The following SLK variants were observed in gnomAD, a reference collection of about 807,000 sequenced individuals.
SLK encodes the protein STE20-like serine/threonine-protein kinase.
SLK carries 67 observed loss-of-function variants against 147.7 expected under a neutral mutation model. That is an observed-to-expected ratio of 0.45 (90% confidence interval 0.37 to 0.56). The LOEUF is 0.56. SLK is among the 20% of genes least tolerant of loss of function. SLK has a pLI of 0.00. For missense variants in SLK, 1,136 were observed against 1,438.8 expected (o/e 0.79, Z 3.41); for synonymous variants, 441 against 475.0 (o/e 0.93, Z 0.93).
At chr10:103,970,302 C>A (rs981325379) in intron 1 of SLK, among the ~76,000 whole-genome samples, 4 of 152,122 alleles carry the variant, frequency 2.6e-5, no homozygotes, top group African/African-American at 7.2e-5. Flanking sequence ...GATACTAAAG[C>A]CCTGTGTTAT....
chr10:104,016,048 T>G (rs2487986), intron 13 of SLK, among the ~76,000 whole-genome samples: 65,687 of 151,914 alleles, frequency 0.43, 14,266 homozygotes, highest in Non-Finnish European at 0.45. Flanking sequence ...GCTGGGCGCG[T>G]TGGCTCACGC....
At position 104,019,597 on chromosome 10, in the gene SLK, C is replaced by T. The variant is rs116551811; in HGVS notation, c.3133-137C>T. 4.2e-3 allele frequency: 3,034 copies of T among 714,448 alleles called. 64 individuals carry two copies. The African/African-American group carries it at 0.047, about 11-fold the overall frequency. 44.3% of individuals were successfully genotyped at this position (714,448 alleles called of 1,614,324 possible). A position where few individuals can be genotyped will look rare whatever the true frequency, so the allele number is the denominator to read the frequency against. On this transcript the variant is annotated intron_variant, in intron 15 of 18. Transcript: ENST00000369755. ...TAACTTCTTACAAGTTATTTTGTGC[C>T]TAGTATTTTGCTGGTCACTGCAACA... is the stretch of plus-strand genomic sequence containing the variant.
At chr10:104,009,881 AAT>A (rs1417784639) in intron 12 of SLK, among the ~76,000 whole-genome samples, 1 of 152,110 alleles carries the variant, frequency 6.6e-6, no homozygotes, top group Non-Finnish European at 1.5e-5. Context: ...GGAAATTTTA[AAT>A]ACACGATGTT....
intron 13 of SLK, among the ~76,000 whole-genome samples, chr10:104,013,998 C>T (rs1220731949): frequency 1.3e-5 from 2 of 152,132 alleles, no homozygotes; most frequent in Non-Finnish European, 2.9e-5. Flanking sequence ...AAGAGATTAA[C>T]GGTAGAGCTG....
rs143127472 is a variant in SLK at position 104,025,717 on chromosome 10, A to G, written c.3705A>G (p.Ser1235=). The part of the protein sequence containing the change: ...YPIPSLHSTG[S] ...TTCCCAGCTTGCATTCCACCGGATC[A>G]TAACAAAGGGAAGCATTCTGTGCGT... Residue 1235 remains serine, a synonymous_variant, in exon 19 of 19, where the codon TCA becomes TCG. Coordinates refer to ENST00000369755, the MANE Select transcript of SLK (RefSeq NM_014720.4). 2 of 1,613,900 alleles carry G rather than the reference A, an allele frequency of 1.2e-6. No homozygotes were observed. The highest frequency in any genetic ancestry group is 8.5e-7 in the Non-Finnish European group (1 of 1,179,942).
chr10:103,981,084 T>C (rs1843935088), intron 1 of SLK, among the ~76,000 whole-genome samples: 1 of 152,196 alleles, frequency 6.6e-6, no homozygotes. Flanking sequence ...ATTAGTGACG[T>C]TGAGCATCTT....
At chr10:103,989,469 T>TTTTTTTTTTG (rs1844061329) in intron 1 of SLK, among the ~76,000 whole-genome samples, 1 of 139,120 alleles carries the variant, frequency 7.2e-6, no homozygotes, top group Non-Finnish European at 1.5e-5. Context: ...AGTTTCTTTT[T>TTTTTTTTTTG]TTTTTTTTTT....
intron 4 of SLK, among the ~76,000 whole-genome samples, chr10:103,996,438 A>C (rs1463912078): frequency 8.2e-6 from 1 of 121,276 alleles, no homozygotes; most frequent in Admixed American, 1.1e-4. Flanking sequence ...TTGCTCTTTC[A>C]CCCAGGCCGG....
Position 104,002,350 on chromosome 10 carries a change from A to C in SLK, c.1172A>C (p.Glu391Ala), listed in dbSNP as rs1844260585. 1.2e-6 allele frequency: 2 copies of C among 1,613,258 alleles called. No homozygotes were observed. Among genetic ancestry groups the C allele is most frequent in the Non-Finnish European group, 1.7e-6 (2 of 1,179,556 alleles). Residue 391 changes from glutamate to alanine, a missense_variant, in exon 9 of 19, where the codon GAA becomes GCA. Glu to Ala is a moderately radical substitution (Grantham distance 107). Transcript: ENST00000369755. The part of the protein sequence containing the change: ...LNEKPTTDEP[E>A]KAVEDINEHI... The stretch of plus-strand genomic sequence containing the variant: ...GAAAAACCCACCACTGATGAACCTG[A>C]AAAGGCTGTGGAGGATATTAATGAA...
chr10:103,977,719 C>T (rs1167757291), intron 1 of SLK, among the ~76,000 whole-genome samples: 2 of 152,124 alleles, frequency 1.3e-5, no homozygotes, highest in East Asian at 3.8e-4. Context: ...TTTCCAGCTA[C>T]TATTTTGAAT....
rs1175073739 is a variant in SLK, at chr10:104,019,832, T to G, written c.3231T>G (p.Ser1077Arg). 3.7e-6 allele frequency: 6 copies of G among 1,614,060 alleles called. No homozygotes were observed. The highest frequency in any genetic ancestry group is 5.1e-6 in the Non-Finnish European group (6 of 1,179,926). Reference protein sequence around the residue: ...ERARLPKIQRSEAKTRMAMFK... With the variant: ...ERARLPKIQRREAKTRMAMFK... Reference sequence around the variant, plus strand: ...CAAGACTGCCCAAGATTCAGCGCAGTGAAGCCAAGACTCGAATGGCCATGT... The same window carrying G: ...CAAGACTGCCCAAGATTCAGCGCAGGGAAGCCAAGACTCGAATGGCCATGT... Residue 1077 changes from serine to arginine, a missense_variant, in exon 16 of 19, where the codon AGT becomes AGG. Physicochemically the swap from Ser to Arg is moderately radical, Grantham distance 110 (BLOSUM62 -1). This residue lies in a region of SLK where 327 missense variants were observed against 457.5 expected (regional missense o/e 0.71). Coordinates refer to ENST00000369755, the MANE Select transcript of SLK (RefSeq NM_014720.4).
chr10:104,009,240 G>A (rs1453388108), intron 12 of SLK, among the ~76,000 whole-genome samples: 2 of 152,058 alleles, frequency 1.3e-5, no homozygotes, highest in Non-Finnish European at 2.9e-5. Flanking sequence ...GACAATGATT[G>A]TGATCAATTT....
In SLK at chr10:104,018,932, A is replaced by AT. The variant is rs753553723; in HGVS notation, c.3132+31dup. ...AGGTTAATGAAAGGAAAATTTCTTC[A>AT]TTTTTTTGTTCGTTTTAAAGTTTGC... On this transcript the variant is annotated intron_variant, in intron 15 of 18. Transcript: ENST00000369755. The AT allele has an allele frequency of 2.2e-5, 34 of 1,546,480 alleles. No homozygotes were observed. The African/African-American group carries it at 3.6e-4, about 16-fold the overall frequency.
Position 104,010,809 on chromosome 10 carries a change from A to G in SLK, c.2785-7A>G. The G allele has an allele frequency of 6.4e-7, 1 of 1,559,174 alleles. No individual in the cohort carries two copies. ...TTCCCCACCTCCTGCATGCTTATAC[A>G]CTGTAGGTTATAAATGAAGTGGAGA... On this transcript the variant is annotated splice_polypyrimidine_tract_variant and splice_region_variant and intron_variant, in intron 12 of 18. Coordinates refer to ENST00000369755, the MANE Select transcript of SLK (RefSeq NM_014720.4).
intron 13 of SLK, among the ~76,000 whole-genome samples, chr10:104,014,481 TC>T (rs1261750399): frequency 6.6e-6 from 1 of 152,202 alleles, no homozygotes; most frequent in Non-Finnish European, 1.5e-5. Context: ...CCCTCCTTTT[TC>T]CTCTCCTGAA....
rs193020197 is a variant in SLK, at chr10:104,005,571, G to A, written c.2360G>A (p.Arg787Lys). The stretch of plus-strand genomic sequence containing the variant: ...TAAAATCTCACTCAGGAAACAAGAA[G>A]ACAAAAGAAAACATTGAAGAAAACA... Reference protein sequence around the residue: ...SGSISLQETRRQKKTLKKTRK... With the variant: ...SGSISLQETRKQKKTLKKTRK... The change falls in exon 10 of 19, where the codon AGA (arginine) becomes AAA (lysine). Residue 787 changes from arginine to lysine, a missense_variant. Physicochemically the swap from Arg to Lys is conservative, Grantham distance 26. Around this residue, in one of 6 missense-constraint regions of SLK, gnomAD observed 516 missense variants for 531.3 expected, o/e 0.97. Coordinates refer to ENST00000369755, the MANE Select transcript of SLK (RefSeq NM_014720.4). 30 of 1,605,548 alleles carry A rather than the reference G, an allele frequency of 1.9e-5. No homozygotes were observed. The highest frequency in any genetic ancestry group is 2.7e-5 in the African/African-American group (2 of 74,492).
Position 103,992,977 on chromosome 10 carries a change from CT to C in SLK, c.365-5del. On this transcript the variant is annotated splice_region_variant and splice_polypyrimidine_tract_variant and intron_variant, in intron 3 of 18. Coordinates refer to ENST00000369755, the MANE Select transcript of SLK (RefSeq NM_014720.4). ...AGCAGATTTTTTTTTTTACTTTCTC[CT>C]TATAGAACTTGAGAGACCATTAACT... is the stretch of plus-strand genomic sequence containing the variant. 1 of 1,596,996 alleles carries C rather than the reference CT, an allele frequency of 6.3e-7. No homozygotes were observed.
At chr10:103,978,997 C>G (rs1386369339) in intron 1 of SLK, among the ~76,000 whole-genome samples, 1 of 75,864 alleles carries the variant, frequency 1.3e-5, no homozygotes, top group East Asian at 5.1e-4. Context: ...TACTGGAAAT[C>G]AAGATATTTT....
At chr10:103,996,365 G>T (rs1589534601) in intron 4 of SLK, among the ~76,000 whole-genome samples, 3 of 140,414 alleles carry the variant, frequency 2.1e-5, no homozygotes, top group African/African-American at 7.9e-5. Flanking sequence ...CCAGTAGTTT[G>T]ACCAGTCTTT....
Sources: allele counts gnomAD v4.1 joint callset (sites outside exome capture counted in the v4.1 genomes callset), GRCh38; gene constraint gnomAD v4.1.1; regional missense constraint gnomAD v4.1.1; transcripts MANE v1.5; gene names NCBI Gene and HGNC (gene_info 2026-07-23, HGNC 2026-07-21).